The following ROR1 variants were observed in gnomAD, a reference collection of about 807,000 sequenced individuals.
The protein encoded by ROR1 is ROR family WNT receptor 1, also known as inactive tyrosine-protein kinase transmembrane receptor ROR1.
A neutral mutation model predicts 78.8 loss-of-function variants in ROR1; 19 were observed. The observed-to-expected ratio is 0.24, with a 90% CI of 0.17 to 0.35. ROR1 has a LOEUF of 0.35. Among genes scored for constraint, ROR1 ranks in the 10% least tolerant of loss-of-function variants. The pLI is 1.00. For missense variants in ROR1, 917 were observed against 1,177.8 expected, an observed-to-expected ratio of 0.78 and a Z score of 3.24; for synonymous variants, 386 against 433.6, an observed-to-expected ratio of 0.89 and a Z score of 1.36.
chr1:64,139,994 G>C lies in ROR1; in HGVS notation c.611-115G>C, dbSNP rs574757109. On this transcript the variant is annotated intron_variant, in intron 5 of 8. Coordinates refer to ENST00000371079, the MANE Select transcript of ROR1 (RefSeq NM_005012.4). Reference sequence around the variant, plus strand: ...GAATCTCCTTCTCTGGGCCTTGTCTGTTTCAGCACGGCGGATTCCTTGCAA... The same window carrying C: ...GAATCTCCTTCTCTGGGCCTTGTCTCTTTCAGCACGGCGGATTCCTTGCAA... The C allele has an allele frequency of 2.2e-5, 21 of 966,712 alleles. No homozygotes were observed. The African/African-American group carries it at 3.1e-4, about 14-fold the overall frequency. 59.9% of individuals were successfully genotyped at this position (966,712 alleles called of 1,614,324 possible). A position where few individuals can be genotyped will look rare whatever the true frequency, so the allele number is the denominator to read the frequency against.
intron 4 of ROR1, among the ~76,000 whole-genome samples, chr1:64,127,156 G>A (rs994870787): frequency 2.7e-4 from 41 of 152,084 alleles, no homozygotes; most frequent in African/African-American, 7.5e-4. Flanking sequence ...TTTACATGGC[G>A]GTGTTATTTG....
chr1:63,921,787 G>A lies in ROR1; in HGVS notation c.92-87518G>A, dbSNP rs11811195. Among the ~76,000 whole-genome samples the A allele has an allele frequency of 5.7e-3, 864 of 152,170 alleles. 7 individuals are homozygous for A. Among genetic ancestry groups the A allele is most frequent in the African/African-American group, 0.02 (834 of 41,514 alleles). ...TAATCACTGAGCCTTTCAGTGTCCCGATATCCTCATCTACAAAGCAGACTG... is the reference window on the plus strand; with the variant it reads ...TAATCACTGAGCCTTTCAGTGTCCCAATATCCTCATCTACAAAGCAGACTG... On this transcript the variant is annotated intron_variant, in intron 1 of 8. Transcript: ENST00000371079.
At chr1:64,019,227 A>T (rs950834638) in intron 2 of ROR1, among the ~76,000 whole-genome samples, 5 of 152,202 alleles carry the variant, frequency 3.3e-5, no homozygotes, top group African/African-American at 1.2e-4. Context: ...CTAACAAGTG[A>T]TTAATACAAG....
intron 1 of ROR1, among the ~76,000 whole-genome samples, chr1:63,781,188 G>T (rs1251659405): frequency 6.6e-6 from 1 of 152,170 alleles, no homozygotes; most frequent in Admixed American, 6.5e-5. Context: ...TCACATGAAA[G>T]ATACAGTATT....
intron 1 of ROR1, among the ~76,000 whole-genome samples, chr1:63,785,040 A>T (rs1644675555): frequency 6.6e-6 from 1 of 152,242 alleles, no homozygotes; most frequent in South Asian, 2.1e-4. Flanking sequence ...AAACATCATA[A>T]GGTAAAAATA....
chr1:63,947,142 T>A (rs958885198), intron 1 of ROR1, among the ~76,000 whole-genome samples: 3 of 152,144 alleles, frequency 2.0e-5, no homozygotes, highest in Non-Finnish European at 2.9e-5. Context: ...CCTGAGTAAA[T>A]ACTCTGATAG....
chr1:63,797,964 T>C (rs1043752123), intron 1 of ROR1, among the ~76,000 whole-genome samples: 3 of 151,632 alleles, frequency 2.0e-5, no homozygotes, highest in African/African-American at 7.3e-5. Context: ...TTGGAAGCCA[T>C]ATACTGGCAA....
chr1:63,789,600 G>A (rs895049134), intron 1 of ROR1, among the ~76,000 whole-genome samples: 1 of 151,796 alleles, frequency 6.6e-6, no homozygotes, highest in African/African-American at 2.4e-5. Context: ...GGAGAAGGAG[G>A]GTGGGGGCAC....
At chr1:63,848,526 C>CA (rs1285583162) in intron 1 of ROR1, among the ~76,000 whole-genome samples, 1 of 152,094 alleles carries the variant, frequency 6.6e-6, no homozygotes, top group Non-Finnish European at 1.5e-5. Context: ...ATTTTAATAA[C>CA]ATAAGGAAAC....
chr1:63,812,047 A>G (rs1278950083), intron 1 of ROR1, among the ~76,000 whole-genome samples: 5 of 134,910 alleles, frequency 3.7e-5, no homozygotes, highest in Admixed American at 8.1e-5. Flanking sequence ...TGCAACCGCC[A>G]CCTCCCGGGT....
intron 1 of ROR1, among the ~76,000 whole-genome samples, chr1:63,902,677 A>T (rs1007126777): frequency 6.6e-5 from 10 of 152,152 alleles, no homozygotes; most frequent in African/African-American, 2.4e-4. Flanking sequence ...CTGTATTACA[A>T]TCTGCATTCA....
At chr1:64,006,519 C>T (rs549999070) in intron 1 of ROR1, among the ~76,000 whole-genome samples, 21 of 152,176 alleles carry the variant, frequency 1.4e-4, no homozygotes, top group Non-Finnish European at 2.5e-4. Flanking sequence ...AGCACCTGCA[C>T]GAAATACCCG....
chr1:64,057,067 G>A (rs1210965058), intron 4 of ROR1, among the ~76,000 whole-genome samples: 5 of 152,118 alleles, frequency 3.3e-5, no homozygotes, highest in East Asian at 1.9e-4. Flanking sequence ...GAAAACCATC[G>A]CCTGATGCAA....
intron 1 of ROR1, among the ~76,000 whole-genome samples, chr1:63,870,026 C>G (rs1411576519): frequency 2.0e-5 from 3 of 152,174 alleles, no homozygotes; most frequent in African/African-American, 7.2e-5. Context: ...AATATTACAA[C>G]AGAAACTGAA....
intron 4 of ROR1, chr1:64,110,505 G>A (rs146576761): frequency 6.6e-6 from 1 of 152,194 alleles, no homozygotes; most frequent in Non-Finnish European, 1.5e-5. Context: ...TAAAACGCAA[G>A]CCATCTAATT....
intron 1 of ROR1, among the ~76,000 whole-genome samples, chr1:63,868,999 T>G (rs1645234833): frequency 6.6e-6 from 1 of 152,202 alleles, no homozygotes; most frequent in African/African-American, 2.4e-5. Context: ...TCTTCTGCTT[T>G]CTTTTGTTGT....
At chr1:63,960,871 G>C (rs551312876) in intron 1 of ROR1, among the ~76,000 whole-genome samples, 2 of 152,194 alleles carry the variant, frequency 1.3e-5, no homozygotes, top group Non-Finnish European at 2.9e-5. Context: ...AAGAGAGTAA[G>C]TGTAGAAGTG....
At chr1:64,102,788 C>T (rs1410708120) in intron 4 of ROR1, among the ~76,000 whole-genome samples, 1 of 152,166 alleles carries the variant, frequency 6.6e-6, no homozygotes, top group African/African-American at 2.4e-5. Flanking sequence ...AACCTTGACA[C>T]TTGAACCTGG....
chr1:63,882,623 G>T (rs1423938318), intron 1 of ROR1, among the ~76,000 whole-genome samples: 1 of 152,140 alleles, frequency 6.6e-6, no homozygotes, highest in African/African-American at 2.4e-5. Flanking sequence ...ACAAGAGCAG[G>T]ATGGAAGAAT....
Sources: gnomAD v4.1 joint callset for allele counts (sites outside exome capture counted in the v4.1 genomes callset) on GRCh38, gnomAD v4.1.1 for gene constraint, MANE v1.5 for transcripts, NCBI Gene and HGNC (gene_info 2026-07-23, HGNC 2026-07-21) for gene names.